The following PPM1B variants were observed in gnomAD, a reference collection of about 807,000 sequenced individuals.
The protein encoded by PPM1B is protein phosphatase, Mg2+/Mn2+ dependent 1B.
A neutral mutation model predicts 43.0 loss-of-function variants in PPM1B; 22 were observed. The ratio of observed to expected loss-of-function variants is 0.51; its 90% CI spans 0.37 to 0.73. The LOEUF (loss-of-function observed/expected upper bound fraction) is 0.73. Among genes scored for constraint, PPM1B ranks in the 30% least tolerant of loss-of-function variants. The pLI, the probability that PPM1B is intolerant of heterozygous loss-of-function variation, is 0.00. For synonymous variants in PPM1B, 217 were observed against 197.9 expected, an observed-to-expected ratio of 1.10 and a Z score of -0.81; for missense variants, 632 against 584.2, an observed-to-expected ratio of 1.08 and a Z score of -0.84.
At chr2:44,194,477 A>T (rs1295712645) in intron 1 of PPM1B, among the ~76,000 whole-genome samples, 2 of 152,128 alleles carry the variant, frequency 1.3e-5, no homozygotes, top group East Asian at 3.9e-4. Context: ...TAATCCCAGC[A>T]CTTTGGGAGG....
intron 1 of PPM1B, among the ~76,000 whole-genome samples, chr2:44,178,103 A>G (rs1041207709): frequency 1.2e-4 from 18 of 151,102 alleles, no homozygotes; most frequent in African/African-American, 3.4e-4. Context: ...TTTTTTTTGT[A>G]GAGATGAGGT....
intron 1 of PPM1B, among the ~76,000 whole-genome samples, chr2:44,188,739 T>C (rs566819228): frequency 3.4e-5 from 5 of 148,478 alleles, no homozygotes; most frequent in South Asian, 4.4e-4. Context: ...TCCTTCCTTC[T>C]TTCCTTCCTT....
chr2:44,169,625 A>C (rs139840114), intron 1 of PPM1B, among the ~76,000 whole-genome samples: 1 of 152,250 alleles, frequency 6.6e-6, no homozygotes, highest in Non-Finnish European at 1.5e-5. Flanking sequence ...GGCTACCCCA[A>C]GCCTTGGCGC....
At chr2:44,225,759 C>T (rs1232029096) in intron 5 of PPM1B, among the ~76,000 whole-genome samples, 4 of 152,080 alleles carry the variant, frequency 2.6e-5, no homozygotes, top group South Asian at 2.1e-4. Context: ...CAGGTTCAAG[C>T]GATTCTCCTG....
intron 1 of PPM1B, among the ~76,000 whole-genome samples, chr2:44,178,472 A>ATTT (rs1312865423): frequency 9.7e-4 from 69 of 71,246 alleles, no homozygotes; most frequent in East Asian, 4.5e-3. Context: ...ATATATATAT[A>ATTT]TATTTTTTTT....
downstream of PPM1B, among the ~76,000 whole-genome samples, chr2:44,238,873 A>G (rs1670686957): frequency 1.3e-5 from 2 of 152,182 alleles, no homozygotes; most frequent in Non-Finnish European, 1.5e-5. Context: ...TAACTTTAAA[A>G]TGTATTTTAA....
intron 5 of PPM1B, among the ~76,000 whole-genome samples, chr2:44,243,644 C>G (rs973207160): frequency 6.6e-6 from 1 of 152,132 alleles, no homozygotes; most frequent in Admixed American, 6.5e-5. Flanking sequence ...TTGAAGTTGT[C>G]CTTTATGACA....
chr2:44,222,630 A>G (rs1052501504), intron 5 of PPM1B, among the ~76,000 whole-genome samples: 1 of 152,180 alleles, frequency 6.6e-6, no homozygotes, highest in African/African-American at 2.4e-5. Flanking sequence ...ACTTACAGAG[A>G]TGAGGTAGTT....
rs551176469 is a variant in PPM1B, at chr2:44,200,833, A to G, written c.-14-353A>G. Among the ~76,000 whole-genome samples the G allele has an allele frequency of 1.5e-3, 227 of 152,322 alleles. 2 individuals carry two copies. The highest frequency in any genetic ancestry group is 2.5e-3 in the Admixed American group (38 of 15,300). On this transcript the variant is annotated intron_variant, in intron 1 of 5. Coordinates refer to ENST00000282412, the MANE Select transcript of PPM1B (RefSeq NM_002706.6). ...AGACTCACCTTGTAAATTAAATCAG[A>G]ATGAAATTATTAATGAAGTTTTATT...
chr2:44,222,937 C>T (rs1001668452), intron 5 of PPM1B, among the ~76,000 whole-genome samples: 7 of 152,104 alleles, frequency 4.6e-5, no homozygotes, highest in African/African-American at 1.7e-4. Flanking sequence ...CTCAAGCGAT[C>T]CTCCCAGCTC....
intron 1 of PPM1B, among the ~76,000 whole-genome samples, chr2:44,186,472 A>G (rs1252380649): frequency 6.6e-6 from 1 of 152,100 alleles, no homozygotes; most frequent in Non-Finnish European, 1.5e-5. Flanking sequence ...GGGCTCAAGC[A>G]ATCCTCCCGC....
chr2:44,183,519 A>G (rs1667980518), intron 1 of PPM1B, among the ~76,000 whole-genome samples: 1 of 152,218 alleles, frequency 6.6e-6, no homozygotes, highest in Non-Finnish European at 1.5e-5. Flanking sequence ...GGTAGGCCTG[A>G]ATGACCTAAA....
intron 1 of PPM1B, among the ~76,000 whole-genome samples, chr2:44,174,635 A>C (rs532758244): frequency 2.1e-4 from 32 of 152,380 alleles, no homozygotes; most frequent in Non-Finnish European, 3.7e-4. Flanking sequence ...GCCAGAGAAG[A>C]AGCAGTTCTG....
chr2:44,210,721 G>A (rs1669422550), intron 3 of PPM1B, among the ~76,000 whole-genome samples: 1 of 151,098 alleles, frequency 6.6e-6, no homozygotes, highest in African/African-American at 2.4e-5. Flanking sequence ...TTATTCCCCT[G>A]CCCCCCATAT....
intron 5 of PPM1B, among the ~76,000 whole-genome samples, chr2:44,243,519 C>T (rs1332589580): frequency 6.6e-6 from 1 of 151,966 alleles, no homozygotes; most frequent in African/African-American, 2.4e-5. Context: ...AATATTTGTA[C>T]TTTAATACAA....
At chr2:44,236,344 A>G (rs1670610117), downstream of PPM1B, among the ~76,000 whole-genome samples, 1 of 143,608 alleles carries the variant, frequency 7.0e-6, no homozygotes, top group Non-Finnish European at 1.5e-5. Flanking sequence ...TGGAGATTGC[A>G]GTGAGCCGAG....
downstream of PPM1B, among the ~76,000 whole-genome samples, chr2:44,234,977 G>A (rs1670571379): frequency 6.6e-6 from 1 of 152,170 alleles, no homozygotes; most frequent in South Asian, 2.1e-4. Flanking sequence ...AGTGTGGTAT[G>A]GCCCGATGGT....
intron 1 of PPM1B, among the ~76,000 whole-genome samples, chr2:44,198,285 C>T (rs903527164): frequency 5.9e-5 from 9 of 152,106 alleles, no homozygotes; most frequent in African/African-American, 2.2e-4. Context: ...CTCAGCCCCC[C>T]GAGTAGCTGG....
downstream of PPM1B, chr2:44,232,689 A>G: frequency 9.5e-7 from 1 of 1,047,138 alleles, no homozygotes. Context: ...CTGAAAATAC[A>G]TTATGTTTTT....
Sources: allele counts gnomAD v4.1 joint callset (sites outside exome capture counted in the v4.1 genomes callset), GRCh38; gene constraint gnomAD v4.1.1; transcripts MANE v1.5; gene names NCBI Gene and HGNC (gene_info 2026-07-23, HGNC 2026-07-21).